Variants in ACSL4 observed in about 807,000 individuals in gnomAD.
The protein encoded by ACSL4 is long-chain-fatty-acid--CoA ligase 4.
A neutral mutation model predicts 49.1 loss-of-function variants in ACSL4; 9 were observed. The observed-to-expected ratio is 0.18, with a 90% CI of 0.11 to 0.32. ACSL4 has a LOEUF of 0.32. Among genes scored for constraint, ACSL4 ranks in the 10% least tolerant of loss-of-function variants. The pLI is 1.00. For synonymous variants in ACSL4, 191 were observed against 170.3 expected (o/e 1.12, Z -0.95); for missense variants, 333 against 493.7 (o/e 0.67, Z 3.08).
intron 9 of ACSL4, among the ~76,000 whole-genome samples, chrX:109,671,710 A>G (rs1174499821): frequency 9.0e-6 from 1 of 111,241 alleles, no homozygotes; most frequent in Non-Finnish European, 1.9e-5. Flanking sequence ...GACATAGGAG[A>G]CTCCGTTTTG....
chrX:109,663,469 C>T (rs933746436), intron 12 of ACSL4, 67 bp from the exon 13 acceptor site: 14 of 968,694 alleles, frequency 1.4e-5, no homozygotes, highest in South Asian at 6.0e-5. Flanking sequence ...AAAGCTTATA[C>T]GTATGTTAGT....
intron 1 of ACSL4, among the ~76,000 whole-genome samples, chrX:109,729,550 A>G (rs2147567512): frequency 8.9e-6 from 1 of 112,283 alleles, no homozygotes; most frequent in Non-Finnish European, 1.9e-5. Flanking sequence ...TAAACATGCA[A>G]GTGCTATACC....
At chrX:109,651,119 T>C (rs1921098750) in intron 15 of ACSL4, among the ~76,000 whole-genome samples, 2 of 112,063 alleles carry the variant, frequency 1.8e-5, no homozygotes, top group Admixed American at 1.9e-4. Flanking sequence ...ATTCCATAAA[T>C]TATATGCCAT....
At chrX:109,733,036 C>T in intron 1 of ACSL4, 103 bp downstream of exon 1, 1 of 330,653 alleles carries the variant, frequency 3.0e-6, no homozygotes, top group Non-Finnish European at 5.9e-6. Flanking sequence ...CCAACCTCCT[C>T]CCGGCTCAGG....
chrX:109,680,789 T>C (rs1232594644), intron 6 of ACSL4, among the ~76,000 whole-genome samples: 2 of 112,751 alleles, frequency 1.8e-5, no homozygotes, highest in African/African-American at 3.2e-5. Context: ...TCTCAACCAC[T>C]TAGTGAAATT....
rs1047600812 is a variant in ACSL4 at position 109,693,262 on chromosome X, TA to T, written c.-13+2881del. Among the ~76,000 whole-genome samples the T allele has an allele frequency of 4.6e-3, 475 of 103,621 alleles. 2 individuals are homozygous for T. Among genetic ancestry groups the T allele is most frequent in the Non-Finnish European group, 6.2e-3 (310 of 50,144 alleles). 90.0% of individuals were successfully genotyped at this position (103,621 alleles called of 115,157 possible). A position where few individuals can be genotyped will look rare whatever the true frequency, so the allele number is the denominator to read the frequency against. On this transcript the variant is annotated intron_variant, in intron 2 of 15. Coordinates refer to ENST00000672401, the MANE Select transcript of ACSL4 (RefSeq NM_001318510.2). ...CATAATACAAAATTGTATCGTGATT[TA>T]AAAAAAAAAAAACTCATTCTGCTTT...
chrX:109,699,292 G>A (rs946423604), intron 1 of ACSL4, among the ~76,000 whole-genome samples: 3 of 111,937 alleles, frequency 2.7e-5, no homozygotes, highest in African/African-American at 9.8e-5. Flanking sequence ...ACTTGAACCC[G>A]GGAGTCAAGA....
In ACSL4 at chrX:109,659,354, T is replaced by C. The variant is rs1921974198; in HGVS notation, c.1855A>G (p.Met619Val). The change falls in exon 15 of 16, where the codon ATG (methionine) becomes GTG (valine). Residue 619 changes from methionine (M) to valine (V), a missense_variant and splice_region_variant. Transcript: ENST00000672401. ...LKEIREAANAMKLERFEIPIK... is the reference protein window; with the variant it reads ...LKEIREAANAVKLERFEIPIK... ...ACCAGTCTAGCAATTTCTTACTTAC[T>C]GGCATTTGCAGCTTCTCGAATTTCT... The C allele has an allele frequency of 8.3e-7, 1 of 1,208,982 alleles. No individual in the cohort carries two copies. Among genetic ancestry groups the C allele is most frequent in the Non-Finnish European group, 1.1e-6 (1 of 893,360 alleles).
chrX:109,697,995 T>C (rs1176587902), intron 1 of ACSL4, among the ~76,000 whole-genome samples: 1 of 110,945 alleles, frequency 9.0e-6, no homozygotes, highest in Non-Finnish European at 1.9e-5. Context: ...AAATAAATAT[T>C]TGCAAAGGAT....
intron 1 of ACSL4, among the ~76,000 whole-genome samples, chrX:109,705,537 C>T (rs948536498): frequency 8.9e-6 from 1 of 112,440 alleles, no homozygotes; most frequent in African/African-American, 3.2e-5. Context: ...CTTTTTATCT[C>T]GGCTTTGAAA....
At chrX:109,713,093 G>A (rs1379690836) in intron 1 of ACSL4, among the ~76,000 whole-genome samples, 2 of 109,826 alleles carry the variant, frequency 1.8e-5, no homozygotes, top group African/African-American at 3.3e-5. Context: ...GAAGGGAAGG[G>A]GAAGGGAAAG....
intron 8 of ACSL4, among the ~76,000 whole-genome samples, chrX:109,675,657 C>T (rs182593255): frequency 9.0e-6 from 1 of 111,600 alleles, no homozygotes; most frequent in East Asian, 2.8e-4. Flanking sequence ...AATCAAAGAA[C>T]GGCTAGTCCT....
chrX:109,682,423 C>A (rs911990704), intron 4 of ACSL4, among the ~76,000 whole-genome samples: 2 of 103,060 alleles, frequency 1.9e-5, no homozygotes, highest in African/African-American at 7.2e-5. Context: ...TATCACCCCC[C>A]CAAAATACCC....
At chrX:109,659,309 A>G in intron 15 of ACSL4, 45 bp downstream of exon 15, 1 of 1,126,643 alleles carries the variant, frequency 8.9e-7, no homozygotes, top group Non-Finnish European at 1.2e-6. Context: ...AGACATCATT[A>G]GATGACTTTT....
chrX:109,686,016 A>T (rs1924578404), intron 2 of ACSL4, among the ~76,000 whole-genome samples: 1 of 111,330 alleles, frequency 9.0e-6, no homozygotes, highest in Non-Finnish European at 1.9e-5. Flanking sequence ...GTACCTTCTT[A>T]GTCTCTCGGA....
intron 11 of ACSL4, 116 bp downstream of exon 11, chrX:109,667,985 T>C: frequency 1.9e-6 from 1 of 520,861 alleles, no homozygotes. Context: ...TGATTTGCAA[T>C]GAATCTGATA....
At chrX:109,663,527 T>C in intron 12 of ACSL4, 125 bp from the exon 13 acceptor site, 1 of 608,930 alleles carries the variant, frequency 1.6e-6, no homozygotes, top group Non-Finnish European at 2.6e-6. Context: ...AGAACATTAG[T>C]TTATATTTAC....
intron 12 of ACSL4, 29 bp from the exon 13 acceptor site, chrX:109,663,431 TGTTC>T: frequency 8.7e-7 from 1 of 1,154,559 alleles, no homozygotes. Flanking sequence ...AATTAGTTAT[TGTTC>T]TACAACAAAT....
intron 2 of ACSL4, among the ~76,000 whole-genome samples, chrX:109,694,532 GC>G (rs1925278719): frequency 9.0e-6 from 1 of 111,632 alleles, no homozygotes; most frequent in Non-Finnish European, 1.9e-5. Context: ...ATGACACAGA[GC>G]TACCAAGTTG....
Sources: gnomAD v4.1 joint callset for allele counts (sites outside exome capture counted in the v4.1 genomes callset) on GRCh38, gnomAD v4.1.1 for gene constraint, MANE v1.5 for transcripts, NCBI Gene and HGNC (gene_info 2026-07-23, HGNC 2026-07-21) for gene names.